Variants in HTR1F observed in about 807,000 individuals in gnomAD.
The protein encoded by HTR1F is 5-hydroxytryptamine receptor 1F, also known as 5-hydroxytryptamine (serotonin) receptor 1F, G protein-coupled.
HTR1F carries 17 observed loss-of-function variants against 24.0 expected under a neutral mutation model. The observed-to-expected ratio is 0.71, with a 90% CI of 0.48 to 1.06. The LOEUF (loss-of-function observed/expected upper bound fraction) is 1.06. Ranked by LOEUF, HTR1F falls within the 50% of genes least tolerant of loss-of-function variation. The probability of loss-of-function intolerance (pLI) is 0.00; values close to 1 mark genes in which losing one functional copy is unlikely to be tolerated. For synonymous variants in HTR1F, 186 were observed against 156.8 expected (o/e 1.19, Z -1.39); for missense variants, 391 against 427.8 (o/e 0.91, Z 0.76).
intron 1 of HTR1F, among the ~76,000 whole-genome samples, chr3:87,795,280 G>A (rs530669679): frequency 2.6e-5 from 4 of 152,212 alleles, no homozygotes; most frequent in South Asian, 4.2e-4. Context: ...CACAGCGCCC[G>A]GCCAACTTAC....
intron 2 of HTR1F, among the ~76,000 whole-genome samples, chr3:87,868,599 G>GA (rs1486188713): frequency 1.3e-5 from 2 of 151,096 alleles, no homozygotes; most frequent in Admixed American, 6.6e-5. Flanking sequence ...AAAACTTCAG[G>GA]AAAAAATTAA....
intron 2 of HTR1F, among the ~76,000 whole-genome samples, chr3:87,874,107 G>T (rs1705617673): frequency 6.6e-6 from 1 of 152,028 alleles, no homozygotes; most frequent in African/African-American, 2.4e-5. Flanking sequence ...TATTCAACAT[G>T]ATAATGGAGT....
chr3:87,938,381 C>A (rs2107431166), intron 2 of HTR1F, among the ~76,000 whole-genome samples: 1 of 152,234 alleles, frequency 6.6e-6, no homozygotes, highest in South Asian at 2.1e-4. Flanking sequence ...ATTTATACAT[C>A]CAGTGCTATT....
At chr3:87,840,794 C>G (rs2107176513) in intron 2 of HTR1F, among the ~76,000 whole-genome samples, 1 of 151,940 alleles carries the variant, frequency 6.6e-6, no homozygotes, top group East Asian at 1.9e-4. Context: ...ATGGCTGAAC[C>G]TAGAGGATAT....
intron 2 of HTR1F, among the ~76,000 whole-genome samples, chr3:87,907,670 C>T (rs1336095579): frequency 6.6e-6 from 1 of 151,788 alleles, no homozygotes; most frequent in African/African-American, 2.4e-5. Flanking sequence ...ATAGGAAAGT[C>T]GTTGCTCTCA....
intron 2 of HTR1F, among the ~76,000 whole-genome samples, chr3:87,915,814 C>G (rs1007950434): frequency 6.6e-6 from 1 of 152,146 alleles, no homozygotes; most frequent in African/African-American, 2.4e-5. Context: ...CTTCCCCAGC[C>G]ATGCTAGAGA....
intron 2 of HTR1F, among the ~76,000 whole-genome samples, chr3:87,974,305 G>A (rs968053566): frequency 1.3e-5 from 2 of 152,040 alleles, no homozygotes; most frequent in African/African-American, 2.4e-5. Flanking sequence ...TTTAAAATCC[G>A]CCAAGATTTT....
chr3:87,988,736 T>A (rs1415699336), intron 2 of HTR1F, among the ~76,000 whole-genome samples: 17 of 139,972 alleles, frequency 1.2e-4, no homozygotes, highest in Non-Finnish European at 1.2e-4. Context: ...GCCCCAATAA[T>A]TTTTTTTTTT....
intron 2 of HTR1F, among the ~76,000 whole-genome samples, chr3:87,917,930 C>A (rs1300281260): frequency 2.0e-5 from 3 of 151,876 alleles, no homozygotes; most frequent in African/African-American, 7.2e-5. Context: ...AAGAAAATTA[C>A]AGACCAATAT....
intron 2 of HTR1F, among the ~76,000 whole-genome samples, chr3:87,954,199 T>C (rs899305943): frequency 6.6e-6 from 1 of 151,794 alleles, no homozygotes; most frequent in African/African-American, 2.4e-5. Flanking sequence ...AAGACATGAA[T>C]GTTCACAACA....
chr3:87,946,764 T>A (rs1431599892), intron 2 of HTR1F, among the ~76,000 whole-genome samples: 1 of 152,082 alleles, frequency 6.6e-6, no homozygotes, highest in East Asian at 1.9e-4. Context: ...AAGCTGGGGT[T>A]ACAGGCGCGT....
chr3:87,989,644 T>C (rs1705774318), intron 2 of HTR1F, among the ~76,000 whole-genome samples: 1 of 152,180 alleles, frequency 6.6e-6, no homozygotes, highest in African/African-American at 2.4e-5. Context: ...AATGATAATG[T>C]TCTCAATGTA....
In HTR1F at chr3:87,875,131, A is replaced by G. The variant is rs140070184; in HGVS notation, c.-43+53007A>G. Among the ~76,000 whole-genome samples, 1,032 of 152,252 alleles carry G rather than the reference A, an allele frequency of 6.8e-3. 6 individuals carry two copies. The highest frequency in any genetic ancestry group is 0.011 in the Non-Finnish European group (737 of 68,012). On this transcript the variant is annotated intron_variant, in intron 2 of 2. Transcript: ENST00000319595. ...AGGTTAACAAAAGCAAAAATAGAAC[A>G]ATGGAACCACATCAAACTTAAAAAC...
chr3:87,918,555 T>C (rs1232162004), intron 2 of HTR1F, among the ~76,000 whole-genome samples: 1 of 152,018 alleles, frequency 6.6e-6, no homozygotes, highest in Non-Finnish European at 1.5e-5. Flanking sequence ...TGTACACAAA[T>C]CAATAGCTCT....
Position 87,952,899 on chromosome 3 carries a change from ATAAAAG to A in HTR1F, c.-42-37807_-42-37802del, listed in dbSNP as rs1208322552. Reference sequence around the variant, plus strand: ...TACATTTTCAGCCATACAAGGACACATAAAAGTTACCTCATGTATATTTTCTACAAT... The same window carrying A: ...TACATTTTCAGCCATACAAGGACACATTACCTCATGTATATTTTCTACAAT... On this transcript the variant is annotated intron_variant, in intron 2 of 2. Transcript: ENST00000319595. Among the ~76,000 whole-genome samples, 5 of 151,902 alleles carry A rather than the reference ATAAAAG, an allele frequency of 3.3e-5. No homozygotes were observed. The East Asian group carries it at 7.7e-4, about 23-fold the overall frequency.
intron 2 of HTR1F, among the ~76,000 whole-genome samples, chr3:87,960,801 A>C (rs1337710674): frequency 6.6e-6 from 1 of 151,906 alleles, no homozygotes; most frequent in East Asian, 1.9e-4. Context: ...AATCAGAGTG[A>C]GTCGTTTGAA....
intron 2 of HTR1F, among the ~76,000 whole-genome samples, chr3:87,933,893 C>T (rs537130813): frequency 3.3e-5 from 5 of 152,292 alleles, no homozygotes; most frequent in African/African-American, 1.2e-4. Context: ...TGCCAAGATA[C>T]TTTCCAGCCT....
At position 87,991,820 on chromosome 3, in the gene HTR1F, A is replaced by C; in HGVS notation, c.1071A>C (p.Ala357=). ...YTIFNEDFKK[A]FQKLVRCRC ...TCTTTAATGAAGACTTCAAGAAAGC[A>C]TTCCAAAAGCTTGTGCGATGTCGAT... The change falls in exon 3 of 3, where the codon GCA becomes GCC. Residue 357 remains alanine, a synonymous_variant. Transcript: ENST00000319595. 6.3e-7 allele frequency: 1 copy of C among 1,585,084 alleles called. No individual in the cohort carries two copies. The highest frequency in any genetic ancestry group is 8.6e-7 in the Non-Finnish European group (1 of 1,166,694).
intron 2 of HTR1F, among the ~76,000 whole-genome samples, chr3:87,969,077 G>T (rs767463386): frequency 1.3e-5 from 2 of 152,242 alleles, no homozygotes; most frequent in African/African-American, 2.4e-5. Context: ...AGATTTCAGA[G>T]GATGTATGGA....
Sources: gnomAD v4.1 joint callset for allele counts (sites outside exome capture counted in the v4.1 genomes callset) on GRCh38, gnomAD v4.1.1 for gene constraint, MANE v1.5 for transcripts, NCBI Gene and HGNC (gene_info 2026-07-23, HGNC 2026-07-21) for gene names.